DZIP3: variants seen among roughly 807,000 people sequenced by gnomAD.
DZIP3 encodes E3 ubiquitin-protein ligase DZIP3.
DZIP3 carries 118 observed loss-of-function variants against 162.0 expected under a neutral mutation model. The ratio of observed to expected loss-of-function variants is 0.73; its 90% confidence interval spans 0.63 to 0.85. The LOEUF (loss-of-function observed/expected upper bound fraction) is 0.85. DZIP3 is among the 40% of genes least tolerant of loss of function. The pLI is 0.00. For missense variants in DZIP3, 1,331 were observed against 1,407.0 expected (o/e 0.95, Z 0.86); for synonymous variants, 438 against 458.6 (o/e 0.96, Z 0.57).
chr3:108,675,849 T>C lies in DZIP3; in HGVS notation c.2757T>C (p.Val919=). ...GTTGGAATGCCATTGTGGCAGATGT[T>C]AGAAACAAGATTGCATTCCTCAGGG... ...VDSWNAIVAD[V]RNKIAFLRTQ... Residue 919 remains valine, a synonymous_variant, in exon 25 of 33, where the codon GTT becomes GTC. Transcript: ENST00000361582. 1.2e-6 allele frequency: 2 copies of C among 1,610,208 alleles called. No individual in the cohort carries two copies. Among genetic ancestry groups the C allele is most frequent in the Admixed American group, 3.4e-5 (2 of 59,458 alleles).
At chr3:108,601,023 A>G (rs1939984254) in intron 1 of DZIP3, among the ~76,000 whole-genome samples, 1 of 152,114 alleles carries the variant, frequency 6.6e-6, no homozygotes, top group Non-Finnish European at 1.5e-5. Context: ...ACTTTATGTC[A>G]TTTTGCTTTC....
chr3:108,627,417 G>A (rs553329208), intron 7 of DZIP3, among the ~76,000 whole-genome samples: 10 of 152,218 alleles, frequency 6.6e-5, no homozygotes, highest in African/African-American at 2.4e-4. Flanking sequence ...TAATGAATGG[G>A]GTATCCTCTG....
intron 8 of DZIP3, among the ~76,000 whole-genome samples, chr3:108,632,090 C>T (rs988239074): frequency 3.3e-5 from 5 of 152,134 alleles, no homozygotes; most frequent in African/African-American, 1.2e-4. Flanking sequence ...ACCTTCAATA[C>T]ATTAGCAGTA....
intron 14 of DZIP3, 134 bp downstream of exon 14, chr3:108,644,915 T>A: frequency 1.3e-6 from 1 of 779,332 alleles, no homozygotes. Context: ...AGGAAGGTAA[T>A]AGAAATTATA....
chr3:108,614,398 A>AT (rs899131287), intron 4 of DZIP3, among the ~76,000 whole-genome samples: 3 of 152,214 alleles, frequency 2.0e-5, no homozygotes, highest in South Asian at 2.1e-4. Flanking sequence ...AACTGGACAC[A>AT]TTTTTTTCTA....
At chr3:108,643,299 G>A (rs748455764) in intron 13 of DZIP3, among the ~76,000 whole-genome samples, 2 of 152,048 alleles carry the variant, frequency 1.3e-5, no homozygotes, top group African/African-American at 2.4e-5. Flanking sequence ...TGTTAAAACA[G>A]GAAAATACCA....
intron 21 of DZIP3, among the ~76,000 whole-genome samples, chr3:108,667,856 G>C (rs1021690351): frequency 6.6e-6 from 1 of 152,036 alleles, no homozygotes; most frequent in African/African-American, 2.4e-5. Context: ...CTTTGTTAAA[G>C]ACATAGTACT....
At chr3:108,665,670 C>G (rs866670947) in intron 21 of DZIP3, among the ~76,000 whole-genome samples, 4 of 152,220 alleles carry the variant, frequency 2.6e-5, no homozygotes, top group Middle Eastern at 3.4e-3. Flanking sequence ...CACATCATAA[C>G]TTAACTTCTG....
At chr3:108,685,159 T>C (rs1387574138) in intron 27 of DZIP3, among the ~76,000 whole-genome samples, 1 of 152,156 alleles carries the variant, frequency 6.6e-6, no homozygotes, top group Admixed American at 6.5e-5. Context: ...CTGTATATAG[T>C]CCTTAATATG....
intron 19 of DZIP3, among the ~76,000 whole-genome samples, chr3:108,659,998 G>C (rs1360934975): frequency 1.3e-5 from 2 of 151,652 alleles, no homozygotes; most frequent in Non-Finnish European, 1.5e-5. Context: ...AGGATACAAA[G>C]AAATGGAAGA....
chr3:108,672,694 GA>G (rs1428678817), intron 23 of DZIP3, 38 bp downstream of exon 23: 3 of 1,515,588 alleles, frequency 2.0e-6, no homozygotes, highest in African/African-American at 1.4e-5. Flanking sequence ...GGGGTGAGGG[GA>G]AAAGTTTTAC....
intron 28 of DZIP3, 39 bp downstream of exon 28, chr3:108,686,623 T>G: frequency 6.8e-7 from 1 of 1,461,042 alleles, no homozygotes; most frequent in South Asian, 1.5e-5. Flanking sequence ...ACAGATCATA[T>G]TCTCCAGTTT....
Position 108,631,055 on chromosome 3 carries a change from A to ACACACATACACTCTCTCTCT in DZIP3, c.696+1880_696+1881insACACATACACTCTCTCTCTC. Among the ~76,000 whole-genome samples the ACACACATACACTCTCTCTCT allele has an allele frequency of 3.0e-3, 54 of 18,022 alleles. 3 individuals carry two copies. The highest frequency in any genetic ancestry group is 7.6e-3 in the Admixed American group (9 of 1,182). The allele number at this position is 18,022 out of a possible 152,430, so 11.8% of individuals were successfully genotyped here. A position where few individuals can be genotyped will look rare whatever the true frequency, so the allele number is the denominator to read the frequency against. ...CACACACACACACACACACACACACACTCTCTCTCTCTCTCTCTCTCTCTC... is the reference window on the plus strand; with the variant it reads ...CACACACACACACACACACACACACACACACATACACTCTCTCTCTCTCTCTCTCTCTCTCTCTCTCTCTC... On this transcript the variant is annotated intron_variant, in intron 8 of 32. Transcript: ENST00000361582.
At chr3:108,669,281 A>C (rs1452313970) in intron 21 of DZIP3, among the ~76,000 whole-genome samples, 3 of 151,968 alleles carry the variant, frequency 2.0e-5, no homozygotes, top group Non-Finnish European at 4.4e-5. Flanking sequence ...GACTTGATAT[A>C]ATACCACTTT....
chr3:108,604,216 A>T (rs1176800604), intron 1 of DZIP3, among the ~76,000 whole-genome samples: 1 of 152,190 alleles, frequency 6.6e-6, no homozygotes, highest in Non-Finnish European at 1.5e-5. Flanking sequence ...CAATTACTGG[A>T]TAAATAAGCA....
At chr3:108,690,504 T>G (rs1422625641) in intron 31 of DZIP3, among the ~76,000 whole-genome samples, 2 of 152,202 alleles carry the variant, frequency 1.3e-5, no homozygotes, top group East Asian at 3.8e-4. Flanking sequence ...GTTTCTCCAA[T>G]TTCCTTGTCA....
In DZIP3 at chr3:108,648,056, G is replaced by C. The variant is rs764575043; in HGVS notation, c.1906G>C (p.Asp636His). 6.2e-7 allele frequency: 1 copy of C among 1,612,064 alleles called. No homozygotes were observed. Among genetic ancestry groups the C allele is most frequent in the South Asian group, 1.1e-5 (1 of 90,680 alleles). Reference protein sequence around the residue: ...PEIQFAEINKDGTSIPSESST... With the variant: ...PEIQFAEINKHGTSIPSESST... ...GATACAGTTTGCAGAAATTAATAAA[G>C]ATGGGACCTCAATACCCAGTGAATC... is the stretch of plus-strand genomic sequence containing the variant. The change falls in exon 16 of 33, where the codon GAT becomes CAT. Residue 636 changes from aspartate (D) to histidine (H), a missense_variant. By Grantham distance (81) the Asp-to-His change is moderately conservative. Around this residue, in one of 2 missense-constraint regions of DZIP3, gnomAD observed 1,278 missense variants for 1,317.1 expected, o/e 0.97. Coordinates refer to ENST00000361582, the MANE Select transcript of DZIP3 (RefSeq NM_014648.4).
chr3:108,658,618 G>A (rs2107277093), intron 19 of DZIP3, among the ~76,000 whole-genome samples: 1 of 152,280 alleles, frequency 6.6e-6, no homozygotes, highest in Admixed American at 6.5e-5. Flanking sequence ...AAAGCTAGCA[G>A]AAGGCAAGAA....
chr3:108,601,721 T>C (rs1342701775), intron 1 of DZIP3, among the ~76,000 whole-genome samples: 1 of 152,152 alleles, frequency 6.6e-6, no homozygotes, highest in Non-Finnish European at 1.5e-5. Flanking sequence ...TAGTTGTTTT[T>C]GGATAAACAT....
Sources: allele counts gnomAD v4.1 joint callset (sites outside exome capture counted in the v4.1 genomes callset), GRCh38; gene constraint gnomAD v4.1.1; regional missense constraint gnomAD v4.1.1; transcripts MANE v1.5; gene names NCBI Gene and HGNC (gene_info 2026-07-23, HGNC 2026-07-21).